ROS1: variants seen among roughly 807,000 people sequenced by gnomAD.
The protein encoded by ROS1 is proto-oncogene tyrosine-protein kinase ROS.
Under a neutral mutation model 273.5 loss-of-function variants are expected in ROS1, and 263 were observed. The ratio of observed to expected loss-of-function variants is 0.96; its 90% CI spans 0.87 to 1.06. The LOEUF (loss-of-function observed/expected upper bound fraction) is 1.06. Ranked by LOEUF, ROS1 falls within the 50% of genes least tolerant of loss-of-function variation. The probability of loss-of-function intolerance (pLI) is 0.00; values close to 1 mark genes in which losing one functional copy is unlikely to be tolerated. For synonymous variants in ROS1, 1,008 were observed against 954.1 expected, an observed-to-expected ratio of 1.06 and a Z score of -1.04; for missense variants, 2,833 against 2,751.1, an observed-to-expected ratio of 1.03 and a Z score of -0.67.
At position 117,396,993 on chromosome 6, in the gene ROS1, C is replaced by A. The variant is rs1773539651; in HGVS notation, c.728G>T (p.Ser243Ile). 1.2e-6 allele frequency: 2 copies of A among 1,613,884 alleles called. No individual in the cohort carries two copies. Among genetic ancestry groups the A allele is most frequent in the African/African-American group, 2.7e-5 (2 of 74,912 alleles). ...PILGYNLRLI[S>I]KNQKLDAGTQ... ...CCCTGCATCTAATTTTTGATTTTTG[C>A]TGATCAGCCTTAAGTTATAACCCAA... Residue 243 changes from serine (S) to isoleucine (I), a missense_variant, in exon 8 of 44, where the codon AGC becomes ATC. Physicochemically the swap from Ser to Ile is moderately radical, Grantham distance 142. Coordinates refer to ENST00000368507, the MANE Select transcript of ROS1 (RefSeq NM_001378902.1).
chr6:117,296,757 C>A (rs1774276552), intron 43 of ROS1, among the ~76,000 whole-genome samples: 1 of 151,910 alleles, frequency 6.6e-6, no homozygotes, highest in African/African-American at 2.4e-5. Context: ...AATAGGGTAA[C>A]TATAGTCAAT....
chr6:117,406,727 A>G (rs1383377355), intron 5 of ROS1, among the ~76,000 whole-genome samples: 1 of 152,236 alleles, frequency 6.6e-6, no homozygotes, highest in Non-Finnish European at 1.5e-5. Flanking sequence ...ATCACTTAAT[A>G]AGTATGTGTT....
At chr6:117,319,832 A>T (rs2128558383) in intron 37 of ROS1, 36 bp downstream of exon 37, 2 of 1,582,814 alleles carry the variant, frequency 1.3e-6, no homozygotes, top group Non-Finnish European at 1.7e-6. Flanking sequence ...AGATATGGTG[A>T]TATAATGTGT....
chr6:117,320,309 T>C (rs2128560166), intron 36 of ROS1, among the ~76,000 whole-genome samples: 1 of 152,302 alleles, frequency 6.6e-6, no homozygotes, highest in African/African-American at 2.4e-5. Context: ...AACACTTTTA[T>C]TGTAGCTTGT....
At chr6:117,415,473 A>G (rs1775268917) in intron 3 of ROS1, among the ~76,000 whole-genome samples, 1 of 152,194 alleles carries the variant, frequency 6.6e-6, no homozygotes, top group South Asian at 2.1e-4. Flanking sequence ...GACCTGAACA[A>G]CCTAAACAAG....
intron 18 of ROS1, among the ~76,000 whole-genome samples, chr6:117,367,288 G>A (rs1406556691): frequency 2.0e-5 from 3 of 150,814 alleles, no homozygotes; most frequent in African/African-American, 4.8e-5. Flanking sequence ...ATTGCATTGA[G>A]GGATTTGAAA....
chr6:117,371,622 C>G lies in ROS1; in HGVS notation c.2583-5332G>C, dbSNP rs374819767. ...GGAGTGCAGATATGAACACAGAAAC[C>G]ATGACAGGTGGGAGGTATGAAACCT... On this transcript the variant is annotated intron_variant, in intron 18 of 43. Transcript: ENST00000368507. Among the ~76,000 whole-genome samples the G allele has an allele frequency of 3.1e-4, 47 of 152,250 alleles. 2 individuals carry two copies. The South Asian group carries it at 9.8e-3, about 32-fold the overall frequency.
intron 12 of ROS1, among the ~76,000 whole-genome samples, chr6:117,392,047 C>T (rs9481704): frequency 0.33 from 50,594 of 151,928 alleles, 8,600 homozygotes; most frequent in South Asian, 0.41. Context: ...TTTGAATGAT[C>T]GATTAGTGGG....
At position 117,394,213 on chromosome 6, in the gene ROS1, A is replaced by G. The variant is rs1773305815; in HGVS notation, c.1140T>C (p.Ser380=). 1 of 1,604,802 alleles carries G rather than the reference A, an allele frequency of 6.2e-7. No individual in the cohort carries two copies. The highest frequency in any genetic ancestry group is 8.5e-7 in the Non-Finnish European group (1 of 1,176,332). The part of the protein sequence containing the change: ...IFYRGSGLIS[S]ISIDWLYQRM... Reference sequence around the variant, plus strand: ...TTTGATAAAGCCAATCTATGGAGATAGAAGAAATTAATCCTGAACCTCTGT... The same window carrying G: ...TTTGATAAAGCCAATCTATGGAGATGGAAGAAATTAATCCTGAACCTCTGT... The change falls in exon 11 of 44, where the codon TCT becomes TCC. Residue 380 remains serine (S), a synonymous_variant. Coordinates refer to ENST00000368507, the MANE Select transcript of ROS1 (RefSeq NM_001378902.1).
intron 5 of ROS1, among the ~76,000 whole-genome samples, chr6:117,408,863 A>G (rs1582878679): frequency 6.6e-6 from 1 of 152,128 alleles, no homozygotes; most frequent in Non-Finnish European, 1.5e-5. Context: ...GCACACATAC[A>G]CCATGGAATA....
intron 5 of ROS1, among the ~76,000 whole-genome samples, chr6:117,409,047 CA>C (rs1201631462): frequency 1.6e-5 from 2 of 125,710 alleles, no homozygotes; most frequent in East Asian, 4.6e-4. Context: ...GGGAACATTA[CA>C]CACCAGGGCC....
At chr6:117,404,879 T>G (rs912792572) in intron 5 of ROS1, among the ~76,000 whole-genome samples, 2 of 152,240 alleles carry the variant, frequency 1.3e-5, no homozygotes, top group African/African-American at 4.8e-5. Context: ...AACAAGAAAT[T>G]ATTTTTTATA....
chr6:117,319,247 G>A lies in ROS1; in HGVS notation c.5922+621C>T, dbSNP rs143254118. Among the ~76,000 whole-genome samples the A allele has an allele frequency of 4.6e-3, 701 of 152,186 alleles. 5 individuals carry two copies. The highest frequency in any genetic ancestry group is 0.041 in the Middle Eastern group (12 of 294). Reference sequence around the variant, plus strand: ...TATGATAAATAATCATGTAGTCAGAGACTGACAAACTACAGCCTGTGGGCC... The same window carrying A: ...TATGATAAATAATCATGTAGTCAGAAACTGACAAACTACAGCCTGTGGGCC... On this transcript the variant is annotated intron_variant, in intron 37 of 43. Coordinates refer to ENST00000368507, the MANE Select transcript of ROS1 (RefSeq NM_001378902.1).
chr6:117,318,405 C>T (rs1562266212), intron 37 of ROS1, among the ~76,000 whole-genome samples, 153 bp from the exon 38 acceptor site: 1 of 152,068 alleles, frequency 6.6e-6, no homozygotes, highest in African/African-American at 2.4e-5. Context: ...TCTACAAACC[C>T]TTCAAATGTT....
intron 22 of ROS1, among the ~76,000 whole-genome samples, chr6:117,361,966 T>C (rs1779837067): frequency 6.6e-6 from 1 of 152,080 alleles, no homozygotes; most frequent in Admixed American, 6.6e-5. Flanking sequence ...GCAAGGCCTA[T>C]AGTGATTTTA....
At chr6:117,350,779 A>G (rs1328941238) in intron 27 of ROS1, among the ~76,000 whole-genome samples, 1 of 149,008 alleles carries the variant, frequency 6.7e-6, no homozygotes, top group East Asian at 2.0e-4. Flanking sequence ...CATCCAGTCT[A>G]CTATTAAGCC....
intron 12 of ROS1, 85 bp from the exon 13 acceptor site, chr6:117,389,931 C>A: frequency 4.9e-6 from 6 of 1,229,116 alleles, no homozygotes; most frequent in Non-Finnish European, 6.8e-6. Flanking sequence ...CATTCTGTTG[C>A]ACAATCAGAA....
rs559014533 is a variant in ROS1 at position 117,308,028 on chromosome 6, G to T, written c.6551+766C>A. On this transcript the variant is annotated intron_variant, in intron 42 of 43. Transcript: ENST00000368507. ...ACCTCTGTAATCCATACAATCCTTGGCATGCTATGGTGCACATGGAGAGTT... is the reference window on the plus strand; with the variant it reads ...ACCTCTGTAATCCATACAATCCTTGTCATGCTATGGTGCACATGGAGAGTT... Among the ~76,000 whole-genome samples, 9 of 152,122 alleles carry T rather than the reference G, an allele frequency of 5.9e-5. No individual in the cohort carries two copies. In the East Asian group the frequency reaches 1.7e-3, roughly 29 times the overall value.
At chr6:117,412,293 A>T (rs1269899802) in intron 4 of ROS1, among the ~76,000 whole-genome samples, 1 of 151,772 alleles carries the variant, frequency 6.6e-6, no homozygotes, top group Non-Finnish European at 1.5e-5. Flanking sequence ...TTTATACTAC[A>T]TATATAAATA....
Sources: gnomAD v4.1 joint callset for allele counts (sites outside exome capture counted in the v4.1 genomes callset) on GRCh38, gnomAD v4.1.1 for gene constraint, MANE v1.5 for transcripts, NCBI Gene and HGNC (gene_info 2026-07-23, HGNC 2026-07-21) for gene names.